Variants in DOCK2 observed in about 807,000 individuals in gnomAD.
The protein encoded by DOCK2 is dedicator of cytokinesis 2.
A neutral mutation model predicts 248.9 loss-of-function variants in DOCK2; 87 were observed. The ratio of observed to expected loss-of-function variants is 0.35; its 90% CI spans 0.29 to 0.42. The LOEUF is 0.42. Among genes scored for constraint, DOCK2 ranks in the 10% least tolerant of loss-of-function variants. The pLI, the probability that DOCK2 is intolerant of heterozygous loss-of-function variation, is 1.00. For synonymous variants in DOCK2, 805 were observed against 821.6 expected, an observed-to-expected ratio of 0.98 and a Z score of 0.35; for missense variants, 1,747 against 2,300.2, an observed-to-expected ratio of 0.76 and a Z score of 4.92.
rs544735103 is a variant in DOCK2 at position 169,794,812 on chromosome 5, A to G, written c.2555-8246A>G. ...GTGGCAGGCGCCTGTAGTCCCAGCT[A>G]CTTGGGAGGCTGAGGCAGCAGAATG... On this transcript the variant is annotated intron_variant, in intron 25 of 51. Transcript: ENST00000520908. Among the ~76,000 whole-genome samples the G allele has an allele frequency of 1.3e-4, 20 of 152,334 alleles. 2 individuals carry two copies. In the South Asian group the frequency reaches 3.9e-3, roughly 30 times the overall value.
rs925657592 is a variant in DOCK2, at chr5:169,996,297, G to T, written c.3072+133G>T. On this transcript the variant is annotated intron_variant, in intron 30 of 51. Coordinates refer to ENST00000520908, the MANE Select transcript of DOCK2 (RefSeq NM_004946.3). ...GTCTCTCCAGGGATTCCCACGGGGG[G>T]TTATGGCTGGGGAGAAAATTCTCAG... is the stretch of plus-strand genomic sequence containing the variant. The T allele has an allele frequency of 2.2e-5, 19 of 875,702 alleles. No homozygotes were observed. The Admixed American group carries it at 4.7e-4, about 22-fold the overall frequency. 54.2% of individuals were successfully genotyped at this position (875,702 alleles called of 1,614,324 possible).
At chr5:170,025,784 TTCCC>T (rs1205163718) in intron 33 of DOCK2, among the ~76,000 whole-genome samples, 17 of 37,542 alleles carry the variant, frequency 4.5e-4, no homozygotes, top group Non-Finnish European at 5.3e-4. Flanking sequence ...CCCTCCCTCC[TTCCC>T]TCCCTTCCTT....
At chr5:169,677,612 T>G (rs924502529) in intron 6 of DOCK2, among the ~76,000 whole-genome samples, 1 of 152,212 alleles carries the variant, frequency 6.6e-6, no homozygotes, top group African/African-American at 2.4e-5. Flanking sequence ...AAACCCAACA[T>G]GTCCTTTCCG....
At chr5:169,933,705 C>T (rs1360569332) in intron 27 of DOCK2, among the ~76,000 whole-genome samples, 1 of 152,150 alleles carries the variant, frequency 6.6e-6, no homozygotes, top group Non-Finnish European at 1.5e-5. Context: ...TGTGTATCAG[C>T]CTTCAAGCAG....
intron 27 of DOCK2, among the ~76,000 whole-genome samples, chr5:169,931,248 AG>A (rs1294804926): frequency 1.3e-5 from 2 of 152,232 alleles, no homozygotes; most frequent in African/African-American, 4.8e-5. Context: ...GACGACCAGG[AG>A]AGTGAGGAAG....
chr5:169,940,208 A>C (rs1351222203), intron 27 of DOCK2, among the ~76,000 whole-genome samples: 1 of 152,204 alleles, frequency 6.6e-6, no homozygotes, highest in African/African-American at 2.4e-5. Flanking sequence ...CAATGAAGGT[A>C]GAACTGTGCT....
chr5:170,013,954 A>T (rs1755409065), intron 32 of DOCK2, among the ~76,000 whole-genome samples: 1 of 152,074 alleles, frequency 6.6e-6, no homozygotes, highest in African/African-American at 2.4e-5. Flanking sequence ...GCGAAGGGGA[A>T]ATAGCTGTAG....
intron 27 of DOCK2, among the ~76,000 whole-genome samples, chr5:169,942,150 G>A (rs1157540274): frequency 6.6e-6 from 1 of 152,168 alleles, no homozygotes; most frequent in Non-Finnish European, 1.5e-5. Context: ...TTAAGATGTT[G>A]ACACCTGAGA....
intron 34 of DOCK2, among the ~76,000 whole-genome samples, chr5:170,030,023 G>A (rs537829063): frequency 7.2e-5 from 11 of 152,250 alleles, no homozygotes; most frequent in Non-Finnish European, 1.3e-4. Flanking sequence ...TGGATATGGA[G>A]ACTGATGTAT....
intron 25 of DOCK2, among the ~76,000 whole-genome samples, chr5:169,781,602 C>G (rs1233172283): frequency 6.6e-6 from 1 of 152,144 alleles, no homozygotes; most frequent in African/African-American, 2.4e-5. Flanking sequence ...CTAGTGTCAG[C>G]CTGACATGAA....
At chr5:169,930,512 G>T (rs1775701077) in intron 27 of DOCK2, among the ~76,000 whole-genome samples, 1 of 152,114 alleles carries the variant, frequency 6.6e-6, no homozygotes, top group Non-Finnish European at 1.5e-5. Flanking sequence ...GTAAAAATCT[G>T]CCTGGAATTA....
chr5:169,802,961 T>A (rs1417516064), intron 25 of DOCK2, 97 bp from the exon 26 acceptor site: 4 of 1,395,662 alleles, frequency 2.9e-6, no homozygotes, highest in Admixed American at 5.2e-5. Context: ...AATGTCTTCA[T>A]GAACTATTTA....
At chr5:169,867,548 C>T (rs1280195950) in intron 27 of DOCK2, among the ~76,000 whole-genome samples, 3 of 151,840 alleles carry the variant, frequency 2.0e-5, no homozygotes, top group Admixed American at 2.0e-4. Context: ...ATGTATCTAT[C>T]ATCTATCAGT....
At chr5:169,674,805 C>T (rs1005776840) in intron 6 of DOCK2, among the ~76,000 whole-genome samples, 1 of 152,210 alleles carries the variant, frequency 6.6e-6, no homozygotes, top group Non-Finnish European at 1.5e-5. Flanking sequence ...CAATGTGAGA[C>T]TTAATGTCTC....
At chr5:169,704,791 G>GTGTA (rs1554091081) in intron 14 of DOCK2, among the ~76,000 whole-genome samples, 5 of 141,980 alleles carry the variant, frequency 3.5e-5, no homozygotes, top group African/African-American at 5.4e-5. Flanking sequence ...GTGTGTGTGT[G>GTGTA]TGTGTGTGTG....
chr5:170,018,558 A>G (rs1755613895), intron 32 of DOCK2, among the ~76,000 whole-genome samples: 1 of 152,208 alleles, frequency 6.6e-6, no homozygotes, highest in South Asian at 2.1e-4. Context: ...ACAGTTGGTA[A>G]AATCCCATTT....
At chr5:169,949,924 TC>T (rs767630549) in intron 27 of DOCK2, among the ~76,000 whole-genome samples, 5 of 152,176 alleles carry the variant, frequency 3.3e-5, no homozygotes, top group Non-Finnish European at 7.3e-5. Flanking sequence ...TTCTCGATTT[TC>T]TTTTATAGTT....
At chr5:169,892,285 C>G (rs1581369787) in intron 27 of DOCK2, among the ~76,000 whole-genome samples, 2 of 152,364 alleles carry the variant, frequency 1.3e-5, no homozygotes, top group East Asian at 3.9e-4. Flanking sequence ...CTCTGAGCAG[C>G]TGTCTTCTAC....
chr5:169,779,856 A>G (rs1581177248), intron 25 of DOCK2, among the ~76,000 whole-genome samples: 1 of 152,150 alleles, frequency 6.6e-6, no homozygotes, highest in South Asian at 2.1e-4. Context: ...TTCTCCACTC[A>G]GTCCCCTCAG....
Sources: allele counts gnomAD v4.1 joint callset (sites outside exome capture counted in the v4.1 genomes callset), GRCh38; gene constraint gnomAD v4.1.1; transcripts MANE v1.5; gene names NCBI Gene and HGNC (gene_info 2026-07-23, HGNC 2026-07-21).